MEIS1: variants seen among roughly 807,000 people sequenced by gnomAD.
MEIS1 encodes homeobox protein Meis1.
MEIS1 carries 5 observed loss-of-function variants against 50.8 expected under a neutral mutation model. The observed-to-expected ratio is 0.10, with a 90% confidence interval of 0.05 to 0.21. The LOEUF is 0.21. Among genes scored for constraint, MEIS1 ranks in the 10% least tolerant of loss-of-function variants. The pLI is 1.00. For synonymous variants in MEIS1, 176 were observed against 179.3 expected (o/e 0.98, Z 0.15); for missense variants, 318 against 517.3 (o/e 0.61, Z 3.74).
intron 7 of MEIS1, among the ~76,000 whole-genome samples, chr2:66,478,361 A>G (rs935482757): frequency 9.8e-5 from 15 of 152,310 alleles, no homozygotes; most frequent in African/African-American, 2.6e-4. Context: ...CATTATGTGG[A>G]TCAGAGTCAT....
intron 7 of MEIS1, among the ~76,000 whole-genome samples, chr2:66,507,185 CTT>C (rs1286632341): frequency 6.6e-6 from 1 of 152,168 alleles, no homozygotes; most frequent in African/African-American, 2.4e-5. Context: ...ATTTGGAAAA[CTT>C]TTTAGGCACA....
chr2:66,554,323 T>C (rs1425835276), intron 9 of MEIS1, among the ~76,000 whole-genome samples: 1 of 152,188 alleles, frequency 6.6e-6, no homozygotes, highest in Non-Finnish European at 1.5e-5. Flanking sequence ...TTTCAGTGTG[T>C]CTGTAAGTAT....
intron 7 of MEIS1, among the ~76,000 whole-genome samples, chr2:66,468,858 G>A (rs1370866646): frequency 6.6e-6 from 1 of 152,176 alleles, no homozygotes; most frequent in Non-Finnish European, 1.5e-5. Flanking sequence ...GTAGAATGAT[G>A]AATGAAGTAT....
chr2:66,527,624 G>GTGTGTGTGTGTGTGTGTT (rs1674286209), intron 8 of MEIS1, among the ~76,000 whole-genome samples: 2 of 151,500 alleles, frequency 1.3e-5, no homozygotes, highest in African/African-American at 2.4e-5. Flanking sequence ...GTGTGTGTGT[G>GTGTGTGTGTGTGTGTGTT]TGTGTGTGTG....
intron 9 of MEIS1, among the ~76,000 whole-genome samples, chr2:66,559,649 A>C (rs1275017128): frequency 6.6e-6 from 1 of 152,176 alleles, no homozygotes; most frequent in African/African-American, 2.4e-5. Flanking sequence ...AAGTTTTGCT[A>C]TATTATCCTA....
chr2:66,465,140 G>A lies in MEIS1; in HGVS notation c.742+920G>A, dbSNP rs565640104. On this transcript the variant is annotated intron_variant, in intron 7 of 12. Transcript: ENST00000272369. ...AGGAATTTTGTTGTCTAACTTAGTT[G>A]GGCTCTACCAATTAAAATTGCAAAG... is the stretch of plus-strand genomic sequence containing the variant. Among the ~76,000 whole-genome samples the A allele has an allele frequency of 5.9e-5, 9 of 152,146 alleles. 1 individual carries two copies. Among genetic ancestry groups the A allele is most frequent in the African/African-American group, 2.2e-4 (9 of 41,510 alleles).
intron 7 of MEIS1, among the ~76,000 whole-genome samples, chr2:66,503,420 A>T (rs997767843): frequency 3.3e-5 from 5 of 152,130 alleles, no homozygotes; most frequent in African/African-American, 9.7e-5. Context: ...CACGTAGTTG[A>T]CTTTTCTCCG....
intron 8 of MEIS1, among the ~76,000 whole-genome samples, chr2:66,538,263 T>C (rs986133382): frequency 1.9e-4 from 29 of 152,216 alleles, no homozygotes; most frequent in Non-Finnish European, 4.3e-4. Context: ...CAGCTCTATT[T>C]TACTTGCCAG....
chr2:66,567,751 A>G lies in MEIS1; in HGVS notation c.1024+240A>G, dbSNP rs190925471. The G allele has an allele frequency of 7.3e-4, 462 of 635,278 alleles. 8 individuals are homozygous for G. The African/African-American group carries it at 8.1e-3, about 11-fold the overall frequency. 39.4% of individuals were successfully genotyped at this position (635,278 alleles called of 1,614,324 possible). A position where few individuals can be genotyped will look rare whatever the true frequency, so the allele number is the denominator to read the frequency against. On this transcript the variant is annotated intron_variant, in intron 10 of 12. Coordinates refer to ENST00000272369, the MANE Select transcript of MEIS1 (RefSeq NM_002398.3). ...AAAGTAACTCTTAAATAATATGCTC[A>G]GTTACAATATTCTTTGTACACATTC...
intron 1 of MEIS1, chr2:66,437,282 C>CTT (rs75658376): frequency 6.3e-5 from 9 of 143,340 alleles, no homozygotes; most frequent in South Asian, 2.2e-4. Context: ...CCCATCGTAA[C>CTT]TTTTTTTTTT....
In MEIS1 at chr2:66,534,257, C is replaced by T. The variant is rs190255865; in HGVS notation, c.889-13686C>T. Among the ~76,000 whole-genome samples the T allele has an allele frequency of 1.4e-3, 208 of 152,172 alleles. 1 individual carries two copies. The highest frequency in any genetic ancestry group is 1.3e-3 in the Non-Finnish European group (90 of 67,992). ...CACCTCTTAAAACCAATTTTTGGGC[C>T]GGGCGCAGTGGCTCACACCTGTAAT... is the stretch of plus-strand genomic sequence containing the variant. On this transcript the variant is annotated intron_variant, in intron 8 of 12. Transcript: ENST00000272369.
intron 6 of MEIS1, chr2:66,461,933 A>T (rs1045739414): frequency 1.8e-5 from 8 of 457,126 alleles, no homozygotes; most frequent in African/African-American, 1.6e-4. Context: ...ACTGCTGAAG[A>T]TTTAAGAACC....
chr2:66,558,524 C>T (rs933486022), intron 9 of MEIS1, among the ~76,000 whole-genome samples: 9 of 152,094 alleles, frequency 5.9e-5, no homozygotes, highest in Admixed American at 5.2e-4. Context: ...CTACAGGTTA[C>T]ATATTGACAT....
intron 9 of MEIS1, among the ~76,000 whole-genome samples, chr2:66,549,251 C>A (rs770392827): frequency 6.6e-6 from 1 of 152,130 alleles, no homozygotes; most frequent in Non-Finnish European, 1.5e-5. Flanking sequence ...GACAGACTCA[C>A]ATAAGAATTG....
intron 7 of MEIS1, among the ~76,000 whole-genome samples, chr2:66,478,481 G>A (rs550888684): frequency 8.5e-5 from 13 of 152,276 alleles, no homozygotes; most frequent in East Asian, 5.8e-4. Flanking sequence ...TTTTTAATCC[G>A]TAAGTTGCAT....
intron 9 of MEIS1, among the ~76,000 whole-genome samples, chr2:66,559,026 C>T (rs1433645916): frequency 6.6e-6 from 1 of 151,948 alleles, no homozygotes; most frequent in East Asian, 1.9e-4. Context: ...CCTATAATCT[C>T]AGCTACTAGG....
At chr2:66,520,485 A>G (rs1674089690) in intron 8 of MEIS1, among the ~76,000 whole-genome samples, 1 of 152,052 alleles carries the variant, frequency 6.6e-6, no homozygotes, top group South Asian at 2.1e-4. Flanking sequence ...CGTCTCAAAA[A>G]AAAAAAGAAA....
intron 8 of MEIS1, among the ~76,000 whole-genome samples, chr2:66,518,811 C>G (rs1212780387): frequency 6.6e-6 from 1 of 152,024 alleles, no homozygotes; most frequent in African/African-American, 2.4e-5. Flanking sequence ...ATGAAGATAC[C>G]TTGTCTTAAA....
At chr2:66,529,551 C>T (rs1674339276) in intron 8 of MEIS1, among the ~76,000 whole-genome samples, 1 of 152,190 alleles carries the variant, frequency 6.6e-6, no homozygotes, top group Non-Finnish European at 1.5e-5. Context: ...ATCCTCCTGC[C>T]TCGGCCTCCT....
Sources: gnomAD v4.1 joint callset for allele counts (sites outside exome capture counted in the v4.1 genomes callset) on GRCh38, gnomAD v4.1.1 for gene constraint, MANE v1.5 for transcripts, NCBI Gene and HGNC (gene_info 2026-07-23, HGNC 2026-07-21) for gene names.